PROK1: variants seen among roughly 807,000 people sequenced by gnomAD.
PROK1 encodes prokineticin 1.
In PROK1, 10 loss-of-function variants were observed where a neutral mutation model predicts 8.8. The observed-to-expected ratio is 1.13, with a 90% CI of 0.70 to 1.92. The LOEUF (loss-of-function observed/expected upper bound fraction) is 1.92. Ranked by LOEUF, PROK1 falls within the 30% of genes most tolerant of loss-of-function variation. PROK1 has a pLI of 0.00. For synonymous variants in PROK1, 57 were observed against 56.0 expected (o/e 1.02, Z -0.08); for missense variants, 140 against 139.7 (o/e 1.00, Z -0.01).
rs1355532310 is a variant in PROK1 at position 110,454,081 on chromosome 1, C to T, written c.193C>T (p.His65Tyr). Residue 65 changes from histidine to tyrosine, a missense_variant, in exon 2 of 3, where the codon CAC (histidine) becomes TAC (tyrosine). Coordinates refer to ENST00000271331, the MANE Select transcript of PROK1 (RefSeq NM_032414.3). ...REGEECHPGS[H>Y]KVPFFRKRKH... is the part of the protein sequence containing the mutation. ...AGGCGAGGAGTGCCACCCCGGCAGC[C>T]ACAAGGTACTCTGCAGACACTGCAT... The T allele has an allele frequency of 1.2e-6, 2 of 1,613,630 alleles. No homozygotes were observed. The highest frequency in any genetic ancestry group is 1.7e-6 in the Non-Finnish European group (2 of 1,179,928).
chr1:110,453,423 C>A (rs1664118118), intron 1 of PROK1, among the ~76,000 whole-genome samples: 1 of 152,174 alleles, frequency 6.6e-6, no homozygotes, highest in Non-Finnish European at 1.5e-5. Context: ...GGCACCTGTT[C>A]ACTGGGGTGC....
At chr1:110,454,579 T>C in intron 2 of PROK1, among the ~76,000 whole-genome samples, 1 of 152,156 alleles carries the variant, frequency 6.6e-6, no homozygotes, top group East Asian at 1.9e-4. Flanking sequence ...CCACCTCTAG[T>C]CATACCTCAC....
chr1:110,453,694 A>AG (rs1335148834), intron 1 of PROK1, among the ~76,000 whole-genome samples: 1 of 152,200 alleles, frequency 6.6e-6, no homozygotes, highest in Non-Finnish European at 1.5e-5. Flanking sequence ...TTGTCAGAAA[A>AG]GGAGGACTGT....
chr1:110,452,527 G>A (rs1196429483), intron 1 of PROK1, among the ~76,000 whole-genome samples: 4 of 152,252 alleles, frequency 2.6e-5, no homozygotes, highest in African/African-American at 7.2e-5. Context: ...CTCACCACCC[G>A]TGCCAGCTCC....
chr1:110,451,360 G>A, intron 1 of PROK1, 72 bp downstream of exon 1: 1 of 1,360,990 alleles, frequency 7.3e-7, no homozygotes, highest in Non-Finnish European at 1.1e-6. Context: ...TGTGAGCCCA[G>A]GAACCATGCA....
Position 110,454,075 on chromosome 1 carries a change from G to A in PROK1, c.187G>A (p.Gly63Ser), listed in dbSNP as rs1346934245. The A allele has an allele frequency of 6.2e-6, 10 of 1,613,444 alleles. No homozygotes were observed. The highest frequency in any genetic ancestry group is 2.7e-5 in the African/African-American group (2 of 74,944). Reference sequence around the variant, plus strand: ...GCGGGAAGGCGAGGAGTGCCACCCCGGCAGCCACAAGGTACTCTGCAGACA... The same window carrying A: ...GCGGGAAGGCGAGGAGTGCCACCCCAGCAGCCACAAGGTACTCTGCAGACA... ...LGREGEECHP[G>S]SHKVPFFRKR... The change falls in exon 2 of 3, where the codon GGC becomes AGC. Residue 63 changes from glycine (G) to serine (S), a missense_variant. Transcript: ENST00000271331.
At chr1:110,453,061 C>T (rs1489530052) in intron 1 of PROK1, among the ~76,000 whole-genome samples, 3 of 152,182 alleles carry the variant, frequency 2.0e-5, no homozygotes, top group Non-Finnish European at 1.5e-5. Flanking sequence ...TAGGAGGCTT[C>T]CAGGTCCTGC....
chr1:110,453,004 G>A (rs952829992), intron 1 of PROK1, among the ~76,000 whole-genome samples: 14 of 152,050 alleles, frequency 9.2e-5, no homozygotes, highest in African/African-American at 2.7e-4. Context: ...TCCTCTGCAT[G>A]ATCTGTGGAG....
intron 2 of PROK1, among the ~76,000 whole-genome samples, chr1:110,454,439 G>A (rs1462331820): frequency 6.6e-6 from 1 of 152,216 alleles, no homozygotes; most frequent in Non-Finnish European, 1.5e-5. Context: ...GAGAACCACT[G>A]ATCTTTATTT....
chr1:110,453,972 G>A lies in PROK1; in HGVS notation c.84G>A (p.Arg28=). ...TCTCCCTCCTACAGGCCTGTGAGCG[G>A]GATGTCCAGTGTGGGGCAGGCACCT... The part of the protein sequence containing the change: ...DCAVITGACE[R]DVQCGAGTCC... Residue 28 remains arginine (R), a synonymous_variant, in exon 2 of 3, where the codon CGG becomes CGA. Transcript: ENST00000271331. 6.2e-7 allele frequency: 1 copy of A among 1,614,232 alleles called. No individual in the cohort carries two copies. The highest frequency in any genetic ancestry group is 8.5e-7 in the Non-Finnish European group (1 of 1,180,036).
chr1:110,451,233 G>A lies in PROK1; in HGVS notation c.17G>A (p.Arg6Gln), dbSNP rs140497394. 1.7e-5 allele frequency: 27 copies of A among 1,614,040 alleles called. No individual in the cohort carries two copies. The highest frequency in any genetic ancestry group is 1.2e-4 in the Admixed American group (7 of 59,996). Residue 6 changes from arginine to glutamine, a missense_variant, in exon 1 of 3, where the codon CGA (arginine) becomes CAA (glutamine). By Grantham distance (43) the Arg-to-Gln change is conservative. Transcript: ENST00000271331. Reference sequence around the variant, plus strand: ...CAAGTGACCATGAGAGGTGCCACGCGAGTCTCAATCATGCTCCTCCTAGTA... The same window carrying A: ...CAAGTGACCATGAGAGGTGCCACGCAAGTCTCAATCATGCTCCTCCTAGTA... MRGAT[R>Q]VSIMLLLVTV...
chr1:110,453,838 C>T (rs1193883383), intron 1 of PROK1, 123 bp from the exon 2 acceptor site: 18 of 1,339,272 alleles, frequency 1.3e-5, no homozygotes, highest in African/African-American at 2.9e-5. Context: ...TAGGCTAAGG[C>T]CGGGGGTGAT....
At chr1:110,451,960 T>C (rs1279858283) in intron 1 of PROK1, among the ~76,000 whole-genome samples, 3 of 152,132 alleles carry the variant, frequency 2.0e-5, no homozygotes, top group African/African-American at 7.2e-5. Context: ...CACTGTACAA[T>C]TGGTTCAAAA....
chr1:110,451,192 T>C lies in PROK1; in HGVS notation c.-25T>C. On this transcript the variant is annotated 5_prime_UTR_variant, in exon 1 of 3. Transcript: ENST00000271331. Reference sequence around the variant, plus strand: ...AAGCGAGAGGCATCTAAGCAGGCAGTGTTTTGCCTTCACCCCAAGTGACCA... The same window carrying C: ...AAGCGAGAGGCATCTAAGCAGGCAGCGTTTTGCCTTCACCCCAAGTGACCA... 1 of 1,611,318 alleles carries C rather than the reference T, an allele frequency of 6.2e-7. No individual in the cohort carries two copies. Among genetic ancestry groups the C allele is most frequent in the Non-Finnish European group, 8.5e-7 (1 of 1,177,442 alleles).
intron 2 of PROK1, among the ~76,000 whole-genome samples, chr1:110,454,941 T>G (rs912855071): frequency 2.0e-5 from 3 of 152,098 alleles, no homozygotes; most frequent in African/African-American, 7.2e-5. Context: ...AAGAAGTCAC[T>G]CTCTCTTGTG....
chr1:110,451,675 CAT>C (rs1557935673), intron 1 of PROK1, among the ~76,000 whole-genome samples: 1 of 152,128 alleles, frequency 6.6e-6, no homozygotes, highest in Non-Finnish European at 1.5e-5. Flanking sequence ...GTCTGATTCA[CAT>C]ATTAATATTA....
chr1:110,453,978 C>A lies in PROK1; in HGVS notation c.90C>A (p.Val30=). ...AVITGACERD[V]QCGAGTCCAI... is the part of the protein sequence containing the mutation. Reference sequence around the variant, plus strand: ...TCCTACAGGCCTGTGAGCGGGATGTCCAGTGTGGGGCAGGCACCTGCTGTG... The same window carrying A: ...TCCTACAGGCCTGTGAGCGGGATGTACAGTGTGGGGCAGGCACCTGCTGTG... The change falls in exon 2 of 3, where the codon GTC becomes GTA. Residue 30 remains valine, a synonymous_variant. Transcript: ENST00000271331. 6.2e-7 allele frequency: 1 copy of A among 1,614,224 alleles called. No homozygotes were observed. The highest frequency in any genetic ancestry group is 8.5e-7 in the Non-Finnish European group (1 of 1,180,030).
chr1:110,451,316 T>C (rs555274027), intron 1 of PROK1, 28 bp downstream of exon 1: 3 of 1,606,880 alleles, frequency 1.9e-6, no homozygotes, highest in Non-Finnish European at 1.7e-6. Context: ...CTCTGTGCCT[T>C]GGGTTTTGGG....
At chr1:110,454,231 G>A in intron 2 of PROK1, 145 bp downstream of exon 2, 1 of 1,060,982 alleles carries the variant, frequency 9.4e-7, no homozygotes, top group South Asian at 1.6e-5. Flanking sequence ...GGCTCCAGAG[G>A]ACTTCACCCT....
Sources: gnomAD v4.1 joint callset for allele counts (sites outside exome capture counted in the v4.1 genomes callset) on GRCh38, gnomAD v4.1.1 for gene constraint, MANE v1.5 for transcripts, NCBI Gene and HGNC (gene_info 2026-07-23, HGNC 2026-07-21) for gene names.